RBMS1: variants seen among roughly 807,000 people sequenced by gnomAD.
RBMS1 encodes the protein RNA binding motif single stranded interacting protein 1.
A neutral mutation model predicts 62.3 loss-of-function variants in RBMS1; 17 were observed. That is an observed-to-expected ratio of 0.27 (90% confidence interval 0.19 to 0.41). The LOEUF (loss-of-function observed/expected upper bound fraction) is 0.41, where lower values mean the gene tolerates loss of function less well. Among genes scored for constraint, RBMS1 ranks in the 10% least tolerant of loss-of-function variants. RBMS1 has a pLI of 1.00. For missense variants in RBMS1, 334 were observed against 504.5 expected (o/e 0.66, Z 3.24); for synonymous variants, 172 against 170.0 (o/e 1.01, Z -0.09).
intron 1 of RBMS1, 108 bp from the exon 2 acceptor site, chr2:160,367,499 T>A (rs1693473627): frequency 2.0e-6 from 3 of 1,494,124 alleles, no homozygotes; most frequent in Non-Finnish European, 2.7e-6. Context: ...CTACTTTGAG[T>A]TATAAATTTT....
At chr2:160,313,835 G>C (rs988009312) in intron 3 of RBMS1, among the ~76,000 whole-genome samples, 1 of 152,046 alleles carries the variant, frequency 6.6e-6, no homozygotes, top group African/African-American at 2.4e-5. Flanking sequence ...TCAAAATAAA[G>C]AAGAGCTGGG....
chr2:160,357,497 T>C (rs1692866185), intron 2 of RBMS1, among the ~76,000 whole-genome samples: 1 of 152,132 alleles, frequency 6.6e-6, no homozygotes, highest in Non-Finnish European at 1.5e-5. Flanking sequence ...TAACTGAGAT[T>C]TTCTGTCAAA....
chr2:160,429,660 T>C (rs1682807181), intron 1 of RBMS1, among the ~76,000 whole-genome samples: 1 of 152,216 alleles, frequency 6.6e-6, no homozygotes, highest in African/African-American at 2.4e-5. Flanking sequence ...TAAAGGTAAC[T>C]TAATAATTTT....
intron 1 of RBMS1, among the ~76,000 whole-genome samples, chr2:160,492,231 A>T (rs1166512616): frequency 6.6e-6 from 1 of 152,174 alleles, no homozygotes; most frequent in African/African-American, 2.4e-5. Flanking sequence ...ATGGCTGAAG[A>T]AGGCTGCTGC....
intron 7 of RBMS1, 117 bp from the exon 8 acceptor site, chr2:160,285,161 G>A: frequency 2.1e-6 from 2 of 962,482 alleles, no homozygotes; most frequent in Non-Finnish European, 3.3e-6. Flanking sequence ...GGAGGCTGAG[G>A]TGGGAAGATC....
At chr2:160,428,086 T>C (rs1163063503) in intron 1 of RBMS1, among the ~76,000 whole-genome samples, 1 of 152,124 alleles carries the variant, frequency 6.6e-6, no homozygotes, top group Non-Finnish European at 1.5e-5. Context: ...ACTTTCCATG[T>C]ACTTCTGGAG....
chr2:160,424,015 G>GCCA (rs1242664845), intron 1 of RBMS1, among the ~76,000 whole-genome samples: 3 of 148,122 alleles, frequency 2.0e-5, no homozygotes, highest in African/African-American at 7.4e-5. Context: ...GAAAAAAAGT[G>GCCA]CCATTTCTTT....
At chr2:160,466,630 A>T (rs1307954744) in intron 1 of RBMS1, among the ~76,000 whole-genome samples, 2 of 152,338 alleles carry the variant, frequency 1.3e-5, no homozygotes, top group East Asian at 1.9e-4. Context: ...AAGTTCCAGA[A>T]CCCACACCTA....
At chr2:160,341,702 T>C (rs77382655) in intron 2 of RBMS1, among the ~76,000 whole-genome samples, 1,672 of 152,312 alleles carry the variant, frequency 0.011, 39 homozygotes, top group African/African-American at 0.036. Context: ...AATAGGGCAG[T>C]TGTGCTGTGC....
chr2:160,426,741 G>A (rs756236579), intron 1 of RBMS1, among the ~76,000 whole-genome samples: 12 of 152,304 alleles, frequency 7.9e-5, no homozygotes, highest in Non-Finnish European at 8.8e-5. Context: ...AGGAATGAGC[G>A]CTTCCTCTCC....
chr2:160,467,857 A>C (rs927829324), intron 1 of RBMS1, among the ~76,000 whole-genome samples: 2 of 152,208 alleles, frequency 1.3e-5, no homozygotes, highest in Non-Finnish European at 2.9e-5. Flanking sequence ...AGAAACAGCA[A>C]GTAGACATGT....
chr2:160,334,169 T>G (rs866583323), intron 2 of RBMS1, among the ~76,000 whole-genome samples: 1 of 152,114 alleles, frequency 6.6e-6, no homozygotes, highest in Admixed American at 6.6e-5. Context: ...TGACACAACA[T>G]TATGTAAGGA....
chr2:160,279,986 A>G (rs903187796), intron 10 of RBMS1, among the ~76,000 whole-genome samples: 1 of 152,252 alleles, frequency 6.6e-6, no homozygotes, highest in Non-Finnish European at 1.5e-5. Flanking sequence ...TTTGTCATTA[A>G]TACATTCTGT....
chr2:160,396,550 C>CTTTTTTT (rs59600753), intron 1 of RBMS1, among the ~76,000 whole-genome samples: 12 of 77,852 alleles, frequency 1.5e-4, no homozygotes, highest in Non-Finnish European at 2.1e-4. Context: ...TTCTTTTTAT[C>CTTTTTTT]TTTTTTTTTT....
intron 12 of RBMS1, chr2:160,276,507 T>C (rs574403162): frequency 6.6e-6 from 1 of 152,590 alleles, no homozygotes; most frequent in Non-Finnish European, 1.5e-5. Flanking sequence ...ACTGGATTGA[T>C]ACATTTCCTT....
chr2:160,446,911 T>C (rs779329136), intron 1 of RBMS1, among the ~76,000 whole-genome samples: 4 of 152,192 alleles, frequency 2.6e-5, no homozygotes, highest in Admixed American at 6.5e-5. Context: ...AGACTACTGA[T>C]TGGCGCCTGA....
intron 1 of RBMS1, among the ~76,000 whole-genome samples, chr2:160,413,942 A>G (rs888409962): frequency 1.3e-5 from 2 of 152,174 alleles, no homozygotes; most frequent in African/African-American, 4.8e-5. Flanking sequence ...AATATTAATA[A>G]TGGTTATTAC....
At chr2:160,285,519 G>C (rs1688335951) in intron 7 of RBMS1, among the ~76,000 whole-genome samples, 1 of 151,798 alleles carries the variant, frequency 6.6e-6, no homozygotes, top group South Asian at 2.1e-4. Context: ...GCAGATTCTA[G>C]AACATTTTCC....
At chr2:160,312,213 A>G (rs1377238052) in intron 4 of RBMS1, among the ~76,000 whole-genome samples, 1 of 152,194 alleles carries the variant, frequency 6.6e-6, no homozygotes, top group African/African-American at 2.4e-5. Flanking sequence ...CTAAGGCATC[A>G]TTACTTTTGG....
Sources: gnomAD v4.1 joint callset for allele counts (sites outside exome capture counted in the v4.1 genomes callset) on GRCh38, gnomAD v4.1.1 for gene constraint, MANE v1.5 for transcripts, NCBI Gene and HGNC (gene_info 2026-07-23, HGNC 2026-07-21) for gene names.